SEC24A: variants seen among roughly 807,000 people sequenced by gnomAD.
The protein encoded by SEC24A is protein transport protein Sec24A.
Under a neutral mutation model 129.4 loss-of-function variants are expected in SEC24A, and 93 were observed. The observed-to-expected ratio is 0.72, with a 90% CI of 0.61 to 0.85. SEC24A has a LOEUF of 0.85. Among genes scored for constraint, SEC24A ranks in the 40% least tolerant of loss-of-function variants. SEC24A has a pLI of 0.00. For synonymous variants in SEC24A, 460 were observed against 467.3 expected (o/e 0.98, Z 0.20); for missense variants, 1,264 against 1,307.4 (o/e 0.97, Z 0.51).
At chr5:134,720,396 T>C (rs2150114206) in intron 20 of SEC24A, among the ~76,000 whole-genome samples, 1 of 152,326 alleles carries the variant, frequency 6.6e-6, no homozygotes, top group East Asian at 1.9e-4. Context: ...TCTATGATGT[T>C]CATACAGAGA....
In SEC24A at chr5:134,726,552, C is replaced by T. The variant is rs1054806946; in HGVS notation, c.*1458C>T. On this transcript the variant is annotated 3_prime_UTR_variant, in exon 23 of 23. Transcript: ENST00000398844. ...GAAGAAGCAGTCCCTCTACAGTATA[C>T]AACTACTGCTTGCCAGCTGGATCAA... is the stretch of plus-strand genomic sequence containing the variant. The T allele has an allele frequency of 7.9e-5, 12 of 152,506 alleles. No homozygotes were observed. The highest frequency in any genetic ancestry group is 2.9e-4 in the African/African-American group (12 of 41,410). The allele number at this position is 152,506 out of a possible 1,614,324, so 9.4% of individuals were successfully genotyped here. A position where few individuals can be genotyped will look rare whatever the true frequency, so the allele number is the denominator to read the frequency against.
Position 134,710,456 on chromosome 5 carries a change from C to T in SEC24A, c.2727+1568C>T, listed in dbSNP as rs189410837. Among the ~76,000 whole-genome samples, 756 of 152,214 alleles carry T rather than the reference C, an allele frequency of 5.0e-3. 5 individuals carry two copies. The highest frequency in any genetic ancestry group is 0.024 in the Middle Eastern group (7 of 294). On this transcript the variant is annotated intron_variant, in intron 18 of 22. Transcript: ENST00000398844. ...CCATATTGGTTAGGCTGGTTTCTAA[C>T]GCCCAACCTCAGGTGATCCTCCCAC...
At chr5:134,652,218 G>A (rs1750081704) in intron 1 of SEC24A, among the ~76,000 whole-genome samples, 1 of 151,830 alleles carries the variant, frequency 6.6e-6, no homozygotes, top group Non-Finnish European at 1.5e-5. Flanking sequence ...CACCGCGCCT[G>A]GCCGAAAAGT....
intron 1 of SEC24A, among the ~76,000 whole-genome samples, chr5:134,653,869 A>G (rs553952174): frequency 1.3e-5 from 2 of 151,990 alleles, no homozygotes; most frequent in Non-Finnish European, 2.9e-5. Flanking sequence ...TCAAAAATAA[A>G]TAAATAGGCC....
At chr5:134,667,734 G>A (rs1352644354) in intron 3 of SEC24A, among the ~76,000 whole-genome samples, 1 of 149,502 alleles carries the variant, frequency 6.7e-6, no homozygotes, top group African/African-American at 2.5e-5. Flanking sequence ...ACATACTTAT[G>A]AAACTAAATA....
chr5:134,671,066 A>G (rs1231033684), intron 3 of SEC24A, among the ~76,000 whole-genome samples: 1 of 151,544 alleles, frequency 6.6e-6, no homozygotes, highest in Non-Finnish European at 1.5e-5. Flanking sequence ...TTTTTTTGAG[A>G]TGGAGTTTCG....
Position 134,705,447 on chromosome 5 carries a change from G to A in SEC24A, c.2551+10G>A, listed in dbSNP as rs780291529. 4.6e-6 allele frequency: 7 copies of A among 1,510,246 alleles called. No homozygotes were observed. Among genetic ancestry groups the A allele is most frequent in the Non-Finnish European group, 6.4e-6 (7 of 1,088,378 alleles). The allele number at this position is 1,510,246 out of a possible 1,614,324, so 93.6% of individuals were successfully genotyped here. ...TTATTGGCCAATATGGGTAAGAGTT[G>A]TTATCTGTTATAAATATCTTACAAG... On this transcript the variant is annotated intron_variant, in intron 17 of 22. Transcript: ENST00000398844.
intron 2 of SEC24A, among the ~76,000 whole-genome samples, chr5:134,665,306 T>C (rs1189471995): frequency 6.6e-6 from 1 of 150,628 alleles, no homozygotes; most frequent in Non-Finnish European, 1.5e-5. Flanking sequence ...ATACAAAAAT[T>C]AGCCGGGCGT....
In SEC24A at chr5:134,697,921, A is replaced by C; in HGVS notation, c.2130A>C (p.Ala710=). 1.2e-6 allele frequency: 2 copies of C among 1,612,400 alleles called. No individual in the cohort carries two copies. Among genetic ancestry groups the C allele is most frequent in the Non-Finnish European group, 8.5e-7 (1 of 1,179,596 alleles). The change falls in exon 15 of 23, where the codon GCA becomes GCC. Residue 710 remains alanine, a synonymous_variant. Transcript: ENST00000398844. ...CAGGTTGTATTTCTCGGTATTCAGC[A>C]GGTAGTGTCTATTACTATCCCTCTT... The part of the protein sequence containing the change: ...ASLGCISRYS[A]GSVYYYPSYH...
intron 13 of SEC24A, among the ~76,000 whole-genome samples, chr5:134,695,302 G>C (rs1751785538): frequency 6.6e-6 from 1 of 151,950 alleles, no homozygotes; most frequent in African/African-American, 2.4e-5. Context: ...AGCCCAGGAG[G>C]CTGCAGTGAG....
intron 11 of SEC24A, among the ~76,000 whole-genome samples, chr5:134,689,545 G>A (rs1346907438): frequency 1.3e-5 from 2 of 152,126 alleles, no homozygotes; most frequent in South Asian, 2.1e-4. Flanking sequence ...GGTGGATCAC[G>A]AGGTCAAGAG....
At chr5:134,686,368 C>T (rs930257112) in intron 9 of SEC24A, among the ~76,000 whole-genome samples, 4 of 151,982 alleles carry the variant, frequency 2.6e-5, no homozygotes, top group African/African-American at 9.7e-5. Flanking sequence ...CCGAGAGTAG[C>T]TGGGACTACA....
chr5:134,692,911 A>C, intron 12 of SEC24A: 2 of 830,444 alleles, frequency 2.4e-6, no homozygotes, highest in Admixed American at 4.2e-5. Flanking sequence ...CACTTGAAGG[A>C]AATCTGTCTT....
intron 12 of SEC24A, chr5:134,692,940 T>C: frequency 2.9e-6 from 3 of 1,029,242 alleles, no homozygotes; most frequent in African/African-American, 1.6e-5. Flanking sequence ...TTTGGGAAGT[T>C]GGGAGGGTTG....
At chr5:134,685,422 T>G (rs1751419006) in intron 9 of SEC24A, among the ~76,000 whole-genome samples, 1 of 152,064 alleles carries the variant, frequency 6.6e-6, no homozygotes. Flanking sequence ...ACTATTTACA[T>G]AGCATTTATG....
At chr5:134,692,327 G>A (rs908859580) in intron 11 of SEC24A, among the ~76,000 whole-genome samples, 8 of 152,054 alleles carry the variant, frequency 5.3e-5, no homozygotes, top group East Asian at 1.9e-4. Context: ...GATTACAGGC[G>A]TGTACTACTG....
rs776189276 is a variant in SEC24A at position 134,686,837 on chromosome 5, T to G, written c.1539T>G (p.Ser513=). 1.2e-6 allele frequency: 2 copies of G among 1,611,194 alleles called. No individual in the cohort carries two copies. The highest frequency in any genetic ancestry group is 1.7e-6 in the Non-Finnish European group (2 of 1,178,792). Residue 513 remains serine (S), a synonymous_variant, in exon 10 of 23, where the codon TCT becomes TCG. Transcript: ENST00000398844. ...TGTATCTCTTTGTATTTGATGTGTC[T>G]CACAATGCAGTCGAAACTGGATACT... The part of the protein sequence containing the change: ...PPVYLFVFDV[S]HNAVETGYLN...
intron 12 of SEC24A, chr5:134,693,051 AG>A: frequency 6.5e-7 from 1 of 1,536,044 alleles, no homozygotes; most frequent in Non-Finnish European, 8.7e-7. Context: ...GGGTCAGTTC[AG>A]AAGAAACTCT....
chr5:134,659,194 C>CT lies in SEC24A; in HGVS notation c.98-1925_98-1924insT, dbSNP rs1561801541. On this transcript the variant is annotated intron_variant, in intron 1 of 22. Coordinates refer to ENST00000398844, the MANE Select transcript of SEC24A (RefSeq NM_021982.3). ...TCACGCCATTCTCCTGCCTCAGCCT[C>CT]CCGAGTAGCTGGGACTACAGGCACC... 9.2e-5 allele frequency among the ~76,000 whole-genome samples: 14 copies of CT among 151,830 alleles called. 1 individual carries two copies. In the South Asian group the frequency reaches 2.7e-3, roughly 29 times the overall value.
Sources: allele counts gnomAD v4.1 joint callset (sites outside exome capture counted in the v4.1 genomes callset), GRCh38; gene constraint gnomAD v4.1.1; transcripts MANE v1.5; gene names NCBI Gene and HGNC (gene_info 2026-07-23, HGNC 2026-07-21).